Variants in KATNBL1 observed in about 807,000 individuals in gnomAD.
KATNBL1 encodes the protein katanin regulatory subunit B1 like 1.
Under a neutral mutation model 44.7 loss-of-function variants are expected in KATNBL1, and 28 were observed. The observed-to-expected ratio is 0.63, with a 90% CI of 0.46 to 0.86. The LOEUF is 0.86. Among genes scored for constraint, KATNBL1 ranks in the 40% least tolerant of loss-of-function variants. The pLI is 0.00. For missense variants in KATNBL1, 272 were observed against 350.7 expected, an observed-to-expected ratio of 0.78 and a Z score of 1.79; for synonymous variants, 78 against 114.9, an observed-to-expected ratio of 0.68 and a Z score of 2.06.
At position 34,181,797 on chromosome 15, in the gene KATNBL1, CAT is replaced by C. The variant is rs1284802405; in HGVS notation, c.-14-18109_-14-18108del. On this transcript the variant is annotated intron_variant, in intron 1 of 9. Coordinates refer to ENST00000256544, the MANE Select transcript of KATNBL1 (RefSeq NM_024713.3). The stretch of plus-strand genomic sequence containing the variant: ...ACATATATATGTCCATATATATATC[CAT>C]ATATATACATATATACATGTCCATA... 2.8e-3 allele frequency among the ~76,000 whole-genome samples: 199 copies of C among 71,360 alleles called. 30 individuals carry two copies. The highest frequency in any genetic ancestry group is 6.5e-3 in the South Asian group (12 of 1,860). The allele number at this position is 71,360 out of a possible 152,430, so 46.8% of individuals were successfully genotyped here.
chr15:34,168,997 C>A (rs1889071096), intron 1 of KATNBL1, among the ~76,000 whole-genome samples: 2 of 151,600 alleles, frequency 1.3e-5, no homozygotes, highest in Non-Finnish European at 2.9e-5. Context: ...GAAAGATCTA[C>A]AATCGACATG....
intron 1 of KATNBL1, among the ~76,000 whole-genome samples, chr15:34,183,963 G>C (rs976606315): frequency 2.6e-5 from 4 of 152,034 alleles, no homozygotes; most frequent in African/African-American, 9.7e-5. Context: ...GAGGTCAGGA[G>C]TTCAAGACTA....
At chr15:34,204,898 T>A (rs1285087668) in intron 1 of KATNBL1, among the ~76,000 whole-genome samples, 3 of 152,172 alleles carry the variant, frequency 2.0e-5, no homozygotes. Flanking sequence ...ATAGACTTAC[T>A]GAGAAACTTT....
chr15:34,178,147 A>G (rs536468256), intron 1 of KATNBL1: 48 of 152,320 alleles, frequency 3.2e-4, no homozygotes, highest in Non-Finnish European at 6.5e-4. Context: ...ATTCAACCAC[A>G]TTTCTATTTT....
chr15:34,143,106 T>G (rs1445323889), intron 9 of KATNBL1: 2 of 895,544 alleles, frequency 2.2e-6, no homozygotes, highest in African/African-American at 3.5e-5. Context: ...ATTGAACTTT[T>G]AATCACTCAA....
At chr15:34,144,159 CT>C (rs910371242) in intron 9 of KATNBL1, among the ~76,000 whole-genome samples, 7 of 151,296 alleles carry the variant, frequency 4.6e-5, no homozygotes, top group Non-Finnish European at 1.0e-4. Flanking sequence ...AGGAGATAAG[CT>C]TCTGGTTGGT....
intron 1 of KATNBL1, among the ~76,000 whole-genome samples, chr15:34,191,622 G>GT (rs759701877): frequency 6.6e-6 from 1 of 151,944 alleles, no homozygotes; most frequent in Non-Finnish European, 1.5e-5. Context: ...GTGGTTATGT[G>GT]TTTTTTTATT....
At chr15:34,187,059 G>A (rs181329519) in intron 1 of KATNBL1, among the ~76,000 whole-genome samples, 16 of 152,350 alleles carry the variant, frequency 1.1e-4, no homozygotes, top group Non-Finnish European at 1.5e-5. Context: ...GCAGAGAGAT[G>A]ATGACAGAAG....
chr15:34,164,803 C>T (rs1888916071), intron 1 of KATNBL1, among the ~76,000 whole-genome samples: 1 of 152,190 alleles, frequency 6.6e-6, no homozygotes, highest in Non-Finnish European at 1.5e-5. Context: ...TTTAAAGAAT[C>T]ATTTAGGAAA....
At chr15:34,161,797 C>A (rs1888816491) in intron 2 of KATNBL1, among the ~76,000 whole-genome samples, 1 of 152,022 alleles carries the variant, frequency 6.6e-6, no homozygotes, top group Non-Finnish European at 1.5e-5. Context: ...CTAAGGATGA[C>A]TAAGAACTCT....
intron 1 of KATNBL1, among the ~76,000 whole-genome samples, chr15:34,194,133 G>A (rs931077005): frequency 6.6e-6 from 1 of 152,000 alleles, no homozygotes; most frequent in Non-Finnish European, 1.5e-5. Flanking sequence ...GTAGAGACGG[G>A]GTTTCTCCAT....
intron 1 of KATNBL1, among the ~76,000 whole-genome samples, chr15:34,174,284 G>A (rs1889256739): frequency 6.6e-6 from 1 of 152,148 alleles, no homozygotes; most frequent in Non-Finnish European, 1.5e-5. Flanking sequence ...GTAATAACTA[G>A]AGCTATCACT....
At chr15:34,157,328 G>A (rs539347444) in intron 2 of KATNBL1, among the ~76,000 whole-genome samples, 7 of 152,250 alleles carry the variant, frequency 4.6e-5, no homozygotes, top group Admixed American at 3.9e-4. Flanking sequence ...TGGGTGTGAT[G>A]AGTCCATCCC....
rs142488341 is a variant in KATNBL1, at chr15:34,163,197, C to T, written c.117+363G>A. On this transcript the variant is annotated intron_variant, in intron 2 of 9. Transcript: ENST00000256544. ...TGGCTGGGATTACAGGCACCCACCACCATGCCCAGATAATTTTTGTATTTT... is the reference window on the plus strand; with the variant it reads ...TGGCTGGGATTACAGGCACCCACCATCATGCCCAGATAATTTTTGTATTTT... Among the ~76,000 whole-genome samples the T allele has an allele frequency of 6.4e-3, 981 of 152,130 alleles. 8 individuals carry two copies. Among genetic ancestry groups the T allele is most frequent in the African/African-American group, 0.023 (946 of 41,504 alleles).
In KATNBL1 at chr15:34,149,986, TG is replaced by T. The variant is rs1888420101; in HGVS notation, c.439-1237del. Among the ~76,000 whole-genome samples, 7 of 152,394 alleles carry T rather than the reference TG, an allele frequency of 4.6e-5. No homozygotes were observed. In the South Asian group the frequency reaches 1.4e-3, roughly 32 times the overall value. ...ACTGATGAGTGGACATCCTGATATATGTAAATATGTGCACTTGTACAGACAC... is the reference window on the plus strand; with the variant it reads ...ACTGATGAGTGGACATCCTGATATATTAAATATGTGCACTTGTACAGACAC... On this transcript the variant is annotated intron_variant, in intron 4 of 9. Transcript: ENST00000256544.
intron 2 of KATNBL1, among the ~76,000 whole-genome samples, chr15:34,159,998 A>C (rs575366617): frequency 9.2e-5 from 14 of 152,174 alleles, no homozygotes; most frequent in Non-Finnish European, 1.9e-4. Flanking sequence ...TTTAGGTCCC[A>C]CTTGTAAATT....
At chr15:34,194,701 T>G (rs1567537572) in intron 1 of KATNBL1, among the ~76,000 whole-genome samples, 2 of 152,200 alleles carry the variant, frequency 1.3e-5, no homozygotes, top group East Asian at 3.9e-4. Flanking sequence ...AAACTATATA[T>G]CTGACAGTGG....
intron 1 of KATNBL1, among the ~76,000 whole-genome samples, chr15:34,188,362 C>T (rs569006859): frequency 6.6e-6 from 1 of 151,878 alleles, no homozygotes; most frequent in South Asian, 2.1e-4. Context: ...TCGAGATCAG[C>T]CTGGCCAACA....
intron 2 of KATNBL1, among the ~76,000 whole-genome samples, chr15:34,159,797 T>G (rs890717770): frequency 3.3e-5 from 5 of 152,222 alleles, no homozygotes; most frequent in African/African-American, 1.2e-4. Context: ...GCATCCGGAA[T>G]TAATAAATTT....
Sources: allele counts gnomAD v4.1 joint callset (sites outside exome capture counted in the v4.1 genomes callset), GRCh38; gene constraint gnomAD v4.1.1; transcripts MANE v1.5; gene names NCBI Gene and HGNC (gene_info 2026-07-23, HGNC 2026-07-21).